MAP2K5: variants seen among roughly 807,000 people sequenced by gnomAD.
MAP2K5 encodes mitogen-activated protein kinase kinase 5.
In MAP2K5, 49 loss-of-function variants were observed where a neutral mutation model predicts 83.1. The ratio of observed to expected loss-of-function variants is 0.59; its 90% CI spans 0.47 to 0.75. The LOEUF (loss-of-function observed/expected upper bound fraction) is 0.75, where lower values mean the gene tolerates loss of function less well. MAP2K5 is among the 30% of genes least tolerant of loss of function. The probability of loss-of-function intolerance (pLI) is 0.00; values close to 1 mark genes in which losing one functional copy is unlikely to be tolerated. For synonymous variants in MAP2K5, 202 were observed against 191.8 expected (o/e 1.05, Z -0.44); for missense variants, 457 against 557.5 (o/e 0.82, Z 1.82).
chr15:67,739,462 ATTTTTTTTTTTTTTTTTTTTTTT>A (rs1168539325), intron 17 of MAP2K5, among the ~76,000 whole-genome samples: 69 of 27,062 alleles, frequency 2.5e-3, no homozygotes, highest in Non-Finnish European at 2.9e-3. Context: ...ATATATATAT[ATTTTTTTTTTTTTTTTTTTTTTT>A]TTTTTTTTTT....
At chr15:67,792,744 C>T (rs1054187290) in intron 21 of MAP2K5, among the ~76,000 whole-genome samples, 2 of 152,080 alleles carry the variant, frequency 1.3e-5, no homozygotes, top group African/African-American at 2.4e-5. Flanking sequence ...ATTTCTTTTC[C>T]GCCCCCCGCT....
chr15:67,687,653 T>C (rs1443895586), intron 13 of MAP2K5, among the ~76,000 whole-genome samples: 2 of 152,194 alleles, frequency 1.3e-5, no homozygotes, highest in Non-Finnish European at 2.9e-5. Flanking sequence ...CATTTTGAAA[T>C]GTATTCATTC....
intron 2 of MAP2K5, among the ~76,000 whole-genome samples, chr15:67,556,588 G>C (rs2084631655): frequency 7.6e-6 from 1 of 130,998 alleles, no homozygotes; most frequent in Admixed American, 8.7e-5. Flanking sequence ...GTCTTGCTCT[G>C]TCGCCTAGGC....
Position 67,757,236 on chromosome 15 carries a change from A to G in MAP2K5, c.1134+8635A>G, listed in dbSNP as rs565728121. Among the ~76,000 whole-genome samples the G allele has an allele frequency of 2.6e-5, 4 of 152,292 alleles. No individual in the cohort carries two copies. The East Asian group carries it at 7.7e-4, about 29-fold the overall frequency. On this transcript the variant is annotated intron_variant, in intron 19 of 21. Coordinates refer to ENST00000178640, the MANE Select transcript of MAP2K5 (RefSeq NM_145160.3). The surrounding 1 kb of genome is among the most constrained non-coding windows in gnomAD (Gnocchi z 4.9). ...ACCTTTTGACTTTTTTGTAATAGCC[A>G]TCCTAACAAAATGTGAGGTGACATT...
intron 8 of MAP2K5, among the ~76,000 whole-genome samples, chr15:67,610,881 C>T (rs2085905188): frequency 6.6e-6 from 1 of 152,142 alleles, no homozygotes; most frequent in East Asian, 1.9e-4. Flanking sequence ...CCTTACTTTT[C>T]CTTGTCAGTA....
At chr15:67,685,748 T>C (rs1182222225) in intron 13 of MAP2K5, among the ~76,000 whole-genome samples, 1 of 152,224 alleles carries the variant, frequency 6.6e-6, no homozygotes, top group Admixed American at 6.5e-5. Flanking sequence ...TAAAGCAGCA[T>C]ATTGTAAATT....
intron 16 of MAP2K5, among the ~76,000 whole-genome samples, chr15:67,707,040 C>T (rs1321678388): frequency 1.3e-5 from 2 of 152,152 alleles, no homozygotes; most frequent in Non-Finnish European, 2.9e-5. Context: ...CTCAGCCTCC[C>T]GAGTAGCTGG....
At chr15:67,610,719 C>T (rs373127117) in intron 8 of MAP2K5, among the ~76,000 whole-genome samples, 4 of 151,938 alleles carry the variant, frequency 2.6e-5, no homozygotes, top group Admixed American at 6.6e-5. Flanking sequence ...TGTACACTAA[C>T]GTTGAATTGG....
chr15:67,609,993 G>A (rs1223502356), intron 8 of MAP2K5, among the ~76,000 whole-genome samples: 1 of 152,088 alleles, frequency 6.6e-6, no homozygotes, highest in East Asian at 1.9e-4. Context: ...TGCTAAGAAG[G>A]TATGTTACCC....
chr15:67,634,394 A>AAAAAAAAAAAAAAAAG (rs2086550993), intron 9 of MAP2K5, among the ~76,000 whole-genome samples: 1 of 98,812 alleles, frequency 1.0e-5, no homozygotes, highest in Non-Finnish European at 2.2e-5. Flanking sequence ...AAAAAAAAAA[A>AAAAAAAAAAAAAAAAG]AAAAAAAAAA....
At chr15:67,666,942 A>G (rs776187558) in intron 13 of MAP2K5, among the ~76,000 whole-genome samples, 1 of 152,238 alleles carries the variant, frequency 6.6e-6, no homozygotes, top group African/African-American at 2.4e-5. Context: ...TCAACTACAG[A>G]AATAAATATC....
chr15:67,693,441 G>A (rs1247538221), intron 14 of MAP2K5, 77 bp from the exon 15 acceptor site: 1 of 1,118,616 alleles, frequency 8.9e-7, no homozygotes, highest in Admixed American at 1.9e-5. Context: ...GATGATTGTA[G>A]GTTAAATGAG....
chr15:67,575,919 T>TCTTTCTG (rs56283748), intron 3 of MAP2K5, among the ~76,000 whole-genome samples: 4 of 74,014 alleles, frequency 5.4e-5, no homozygotes, highest in Non-Finnish European at 7.5e-5. Context: ...TTTCTTTCTT[T>TCTTTCTG]TTTTTTTTTT....
At chr15:67,620,813 C>T (rs780948013) in intron 8 of MAP2K5, among the ~76,000 whole-genome samples, 8 of 151,786 alleles carry the variant, frequency 5.3e-5, no homozygotes, top group Non-Finnish European at 7.4e-5. Flanking sequence ...AAAAATTATA[C>T]GGGTAACTAA....
Position 67,646,031 on chromosome 15 carries a change from C to T in MAP2K5, c.586-200C>T, listed in dbSNP as rs1318014564. ...TTTTCTTTGGTCCCATCAATCACTT[C>T]TGTACCACCTCCCCCAGTATAGAAG... is the stretch of plus-strand genomic sequence containing the variant. On this transcript the variant is annotated intron_variant, in intron 9 of 21. Coordinates refer to ENST00000178640, the MANE Select transcript of MAP2K5 (RefSeq NM_145160.3). 6.6e-5 allele frequency among the ~76,000 whole-genome samples: 10 copies of T among 152,118 alleles called. No individual in the cohort carries two copies. The East Asian group carries it at 7.7e-4, about 12-fold the overall frequency.
chr15:67,602,162 A>G (rs1429063838), intron 8 of MAP2K5, among the ~76,000 whole-genome samples: 1 of 152,154 alleles, frequency 6.6e-6, no homozygotes, highest in African/African-American at 2.4e-5. Flanking sequence ...AACCTCCACT[A>G]TAAACGGTAT....
chr15:67,689,875 A>G (rs977973541), intron 13 of MAP2K5, among the ~76,000 whole-genome samples: 28 of 152,176 alleles, frequency 1.8e-4, no homozygotes, highest in African/African-American at 6.5e-4. Flanking sequence ...AACTGTCTCC[A>G]TCTGATATGG....
intron 13 of MAP2K5, among the ~76,000 whole-genome samples, chr15:67,682,549 G>A (rs760921441): frequency 1.3e-5 from 2 of 151,182 alleles, no homozygotes; most frequent in Non-Finnish European, 3.0e-5. Context: ...AGAGCTGTAG[G>A]TTGGCTGGAT....
chr15:67,632,598 T>C (rs1471958968), intron 9 of MAP2K5, among the ~76,000 whole-genome samples: 1 of 152,192 alleles, frequency 6.6e-6, no homozygotes, highest in African/African-American at 2.4e-5. Context: ...TTTATACAAC[T>C]TACTAACATT....
Sources: allele counts gnomAD v4.1 joint callset (sites outside exome capture counted in the v4.1 genomes callset), GRCh38; gene constraint gnomAD v4.1.1; non-coding constraint Gnocchi (gnomAD v3.1); transcripts MANE v1.5; gene names NCBI Gene and HGNC (gene_info 2026-07-23, HGNC 2026-07-21).